The following E2F6 variants were observed in gnomAD, a reference collection of about 807,000 sequenced individuals.
The protein encoded by E2F6 is transcription factor E2F6.
A neutral mutation model predicts 31.5 loss-of-function variants in E2F6; 19 were observed. The observed-to-expected ratio is 0.60, with a 90% CI of 0.42 to 0.89. The LOEUF (loss-of-function observed/expected upper bound fraction) is 0.89, where lower values mean the gene tolerates loss of function less well. Ranked by LOEUF, E2F6 falls within the 40% of genes least tolerant of loss-of-function variation. The probability of loss-of-function intolerance (pLI) is 0.00; values close to 1 mark genes in which losing one functional copy is unlikely to be tolerated. For synonymous variants in E2F6, 121 were observed against 127.7 expected (o/e 0.95, Z 0.36); for missense variants, 269 against 341.6 (o/e 0.79, Z 1.67).
chr2:11,457,105 C>T, intron 2 of E2F6, 74 bp downstream of exon 2: 1 of 1,151,940 alleles, frequency 8.7e-7, no homozygotes, highest in Non-Finnish European at 1.3e-6. Context: ...TCAACTCATA[C>T]ACTTAAACAA....
At position 11,447,753 on chromosome 2, in the gene E2F6, T is replaced by G. The variant is rs777437822; in HGVS notation, c.673A>C (p.Arg225=). 6.2e-7 allele frequency: 1 copy of G among 1,612,282 alleles called. No individual in the cohort carries two copies. The highest frequency in any genetic ancestry group is 1.1e-5 in the South Asian group (1 of 90,966). The part of the protein sequence containing the change: ...PREDSITVHI[R]STNGPIDVYL... ...ACATCGATAGGTCCGTTGGTGCTCC[T>G]TATGTGCACTGTGATAGAGTCCTAG... Residue 225 remains arginine (R), a synonymous_variant, in exon 6 of 7, where the codon AGG becomes CGG. Transcript: ENST00000381525.
intron 3 of E2F6, among the ~76,000 whole-genome samples, chr2:11,453,303 A>T (rs1208279914): frequency 2.6e-5 from 4 of 152,184 alleles, no homozygotes; most frequent in African/African-American, 9.6e-5. Context: ...AGAGGCAGTA[A>T]GCCTCTAGGT....
At chr2:11,447,924 G>T in intron 5 of E2F6, 150 bp from the exon 6 acceptor site, 1 of 854,254 alleles carries the variant, frequency 1.2e-6, no homozygotes, top group Non-Finnish European at 1.8e-6. Context: ...GCTGAAGACA[G>T]CTACATGTGA....
chr2:11,461,938 C>A (rs1671805976), intron 1 of E2F6, among the ~76,000 whole-genome samples: 1 of 152,194 alleles, frequency 6.6e-6, no homozygotes, highest in Admixed American at 6.5e-5. Context: ...TCACTAAATT[C>A]TTTGCCTCTT....
Position 11,456,738 on chromosome 2 carries a change from GGTGA to G in E2F6, c.163+437_163+440del, listed in dbSNP as rs539699025. Among the ~76,000 whole-genome samples the G allele has an allele frequency of 1.9e-3, 291 of 152,198 alleles. 5 individuals are homozygous for G. The highest frequency in any genetic ancestry group is 6.6e-3 in the African/African-American group (276 of 41,518). ...GGGCAGGCACTGAGGCAAAACTAAG[GGTGA>G]GTATTTCTAAGATTCACACTGACTT... On this transcript the variant is annotated intron_variant, in intron 2 of 6. Coordinates refer to ENST00000381525, the MANE Select transcript of E2F6 (RefSeq NM_198256.4).
At chr2:11,458,128 A>G (rs1671526825) in intron 1 of E2F6, among the ~76,000 whole-genome samples, 1 of 152,228 alleles carries the variant, frequency 6.6e-6, no homozygotes, top group Non-Finnish European at 1.5e-5. Flanking sequence ...AGTAACATCA[A>G]TGTTAATGTG....
intron 3 of E2F6, 94 bp from the exon 4 acceptor site, chr2:11,451,900 A>C (rs370182648): frequency 2.6e-5 from 33 of 1,264,708 alleles, no homozygotes; most frequent in African/African-American, 4.5e-5. Flanking sequence ...AATGTTTGCC[A>C]TAAGTGTTTT....
At chr2:11,457,470 A>C (rs2148352222) in intron 1 of E2F6, among the ~76,000 whole-genome samples, 1 of 152,320 alleles carries the variant, frequency 6.6e-6, no homozygotes, top group Middle Eastern at 3.4e-3. Context: ...TAAAAATACA[A>C]AAATTAGCCG....
At chr2:11,457,030 T>C (rs1671449293) in intron 2 of E2F6, 149 bp downstream of exon 2, 1 of 632,644 alleles carries the variant, frequency 1.6e-6, no homozygotes, top group African/African-American at 1.9e-5. Context: ...ACCTCAGGAG[T>C]TGTTACTAAA....
At chr2:11,459,853 C>T (rs959075549) in intron 1 of E2F6, among the ~76,000 whole-genome samples, 3 of 151,676 alleles carry the variant, frequency 2.0e-5, no homozygotes, top group Non-Finnish European at 2.9e-5. Flanking sequence ...CATTGCACTC[C>T]AGCCCAGATG....
intron 2 of E2F6, among the ~76,000 whole-genome samples, chr2:11,456,838 G>C (rs546812433): frequency 1.3e-5 from 2 of 152,176 alleles, no homozygotes; most frequent in Non-Finnish European, 2.9e-5. Context: ...ACTTCCAGAA[G>C]AGGGAACTAG....
intron 1 of E2F6, among the ~76,000 whole-genome samples, chr2:11,461,715 G>A (rs1671794360): frequency 6.6e-6 from 1 of 152,276 alleles, no homozygotes; most frequent in Non-Finnish European, 1.5e-5. Flanking sequence ...TTGATTTTCA[G>A]CAATTTCAGC....
At chr2:11,464,763 A>T (rs1672030074) in intron 1 of E2F6, among the ~76,000 whole-genome samples, 1 of 152,172 alleles carries the variant, frequency 6.6e-6, no homozygotes, top group African/African-American at 2.4e-5. Flanking sequence ...GCAACCGTGA[A>T]ACAAGAATAA....
rs1403104489 is a variant in E2F6 at position 11,446,389 on chromosome 2, T to C, written c.*88A>G. ...GAGAACGAGAGCACTTCATGGATAATTTATTGCTCTGAGAATCAAATTTGA... is the reference window on the plus strand; with the variant it reads ...GAGAACGAGAGCACTTCATGGATAACTTATTGCTCTGAGAATCAAATTTGA... On this transcript the variant is annotated 3_prime_UTR_variant, in exon 7 of 7. Coordinates refer to ENST00000381525, the MANE Select transcript of E2F6 (RefSeq NM_198256.4). The C allele has an allele frequency of 1.8e-5, 18 of 1,024,584 alleles. No homozygotes were observed. The highest frequency in any genetic ancestry group is 3.0e-6 in the Non-Finnish European group (2 of 659,800). 63.5% of individuals were successfully genotyped at this position (1,024,584 alleles called of 1,614,324 possible).
In E2F6 at chr2:11,464,538, AAAG is replaced by A. The variant is rs1672011891; in HGVS notation, c.108+1231_108+1233del. Among the ~76,000 whole-genome samples the A allele has an allele frequency of 2.0e-5, 3 of 150,842 alleles. No individual in the cohort carries two copies. In the South Asian group the frequency reaches 6.3e-4, roughly 32 times the overall value. On this transcript the variant is annotated intron_variant, in intron 1 of 6. Coordinates refer to ENST00000381525, the MANE Select transcript of E2F6 (RefSeq NM_198256.4). ...TCACCAAAAAAAAAAAAAAAAAAAA[AAAG>A]TTTAGCTGTGAAGAGGAAGAGAGAC... is the stretch of plus-strand genomic sequence containing the variant.
chr2:11,456,967 C>T (rs142783984), intron 2 of E2F6: 6 of 501,626 alleles, frequency 1.2e-5, no homozygotes, highest in African/African-American at 2.0e-5. Flanking sequence ...GCCTTAAATA[C>T]AGACTGTTCT....
chr2:11,461,253 T>C (rs923143052), intron 1 of E2F6, among the ~76,000 whole-genome samples: 4 of 151,232 alleles, frequency 2.6e-5, no homozygotes, highest in Non-Finnish European at 4.4e-5. Context: ...TCCCACATGA[T>C]CCCATCCAAA....
chr2:11,459,608 G>A (rs1181474690), intron 1 of E2F6, among the ~76,000 whole-genome samples: 2 of 152,026 alleles, frequency 1.3e-5, no homozygotes, highest in East Asian at 1.9e-4. Context: ...GTCCAGGCGC[G>A]GTGGCTCATG....
chr2:11,462,663 C>T (rs888117961), intron 1 of E2F6, among the ~76,000 whole-genome samples: 7 of 152,182 alleles, frequency 4.6e-5, no homozygotes, highest in Non-Finnish European at 1.0e-4. Context: ...TTAACACAAG[C>T]ACCGTGACAG....
Sources: allele counts gnomAD v4.1 joint callset (sites outside exome capture counted in the v4.1 genomes callset), GRCh38; gene constraint gnomAD v4.1.1; transcripts MANE v1.5; gene names NCBI Gene and HGNC (gene_info 2026-07-23, HGNC 2026-07-21).